The following CCSER1 variants were observed in gnomAD, a reference collection of about 807,000 sequenced individuals.
CCSER1 encodes serine-rich coiled-coil domain-containing protein 1.
CCSER1 carries 41 observed loss-of-function variants against 82.0 expected under a neutral mutation model. That is an observed-to-expected ratio of 0.50 (90% CI 0.39 to 0.65). CCSER1 has a LOEUF of 0.65. Among genes scored for constraint, CCSER1 ranks in the 30% least tolerant of loss-of-function variants. The pLI, the probability that CCSER1 is intolerant of heterozygous loss-of-function variation, is 0.00. For synonymous variants in CCSER1, 414 were observed against 383.9 expected (o/e 1.08, Z -0.92); for missense variants, 1,119 against 1,064.2 (o/e 1.05, Z -0.72).
chr4:91,425,336 TTCCCA>T (rs1753907015), intron 10 of CCSER1, among the ~76,000 whole-genome samples: 1 of 152,120 alleles, frequency 6.6e-6, no homozygotes, highest in South Asian at 2.1e-4. Context: ...TTTGATTTCA[TTCCCA>T]TCAGAATGTC....
At chr4:90,183,160 T>A (rs1229630044) in intron 1 of CCSER1, among the ~76,000 whole-genome samples, 1 of 152,132 alleles carries the variant, frequency 6.6e-6, no homozygotes, top group Non-Finnish European at 1.5e-5. Flanking sequence ...AAGATGATGC[T>A]GAGTAAAATA....
chr4:90,757,650 T>C (rs1314547023), intron 7 of CCSER1, among the ~76,000 whole-genome samples: 1 of 152,166 alleles, frequency 6.6e-6, no homozygotes, highest in Non-Finnish European at 1.5e-5. Flanking sequence ...GTGCCAGAAA[T>C]GGCTGAAGAG....
intron 6 of CCSER1, chr4:90,664,046 A>C (rs943671998): frequency 6.1e-6 from 1 of 165,182 alleles, no homozygotes; most frequent in South Asian, 1.3e-4. Flanking sequence ...ATACAAAAAA[A>C]ATCTCTACTT....
rs1365006811 is a variant in CCSER1 at position 91,218,292 on chromosome 4, C to T, written c.2217+132298C>T. 5.9e-5 allele frequency among the ~76,000 whole-genome samples: 9 copies of T among 152,236 alleles called. 1 individual carries two copies. Among genetic ancestry groups the T allele is most frequent in the Admixed American group, 5.2e-4 (8 of 15,292 alleles). On this transcript the variant is annotated intron_variant, in intron 10 of 10. Transcript: ENST00000509176. ...GGGGCCCACCAAGCCCACACCCACC[C>T]GGAACTCCAGCTGGCCCGCAAGGGC...
At position 90,932,914 on chromosome 4, in the gene CCSER1, G is replaced by GA. The variant is rs1379177792; in HGVS notation, c.2172+9470dup. Among the ~76,000 whole-genome samples, 32 of 13,600 alleles carry GA rather than the reference G, an allele frequency of 2.4e-3. 7 individuals carry two copies. Among genetic ancestry groups the GA allele is most frequent in the South Asian group, 6.4e-3 (3 of 466 alleles). 8.9% of individuals were successfully genotyped at this position (13,600 alleles called of 152,430 possible). On this transcript the variant is annotated intron_variant, in intron 9 of 10. Coordinates refer to ENST00000509176, the MANE Select transcript of CCSER1 (RefSeq NM_001145065.2). The stretch of plus-strand genomic sequence containing the variant: ...AGAAGGAAGGAGAAAGAAGGAGAAA[G>GA]AAAGAAAGAAAGAAAGAAAGAAAGA...
At chr4:90,593,309 A>C (rs1782931142) in intron 5 of CCSER1, among the ~76,000 whole-genome samples, 1 of 152,110 alleles carries the variant, frequency 6.6e-6, no homozygotes, top group Non-Finnish European at 1.5e-5. Flanking sequence ...TGGAGGGGGT[A>C]CAGGTTCTTG....
intron 1 of CCSER1, among the ~76,000 whole-genome samples, chr4:90,268,310 G>A (rs973812225): frequency 1.3e-5 from 2 of 152,094 alleles, no homozygotes; most frequent in African/African-American, 4.8e-5. Flanking sequence ...AAGATGAAAA[G>A]ATGAAACAAT....
chr4:90,883,836 A>G (rs1721710168), intron 8 of CCSER1, among the ~76,000 whole-genome samples: 1 of 152,128 alleles, frequency 6.6e-6, no homozygotes, highest in Non-Finnish European at 1.5e-5. Context: ...ATAATACAGA[A>G]AGTTGGCAAG....
At position 90,521,182 on chromosome 4, in the gene CCSER1, C is replaced by T. The variant is rs181616972; in HGVS notation, c.1724+52828C>T. The stretch of plus-strand genomic sequence containing the variant: ...GCTTCTCTTAAGTTCCCAATCTATA[C>T]TATCAATGCCTAACATATATCAAAT... On this transcript the variant is annotated intron_variant, in intron 5 of 10. Transcript: ENST00000509176. Among the ~76,000 whole-genome samples, 30 of 149,070 alleles carry T rather than the reference C, an allele frequency of 2.0e-4. No individual in the cohort carries two copies. In the East Asian group the frequency reaches 3.5e-3, roughly 17 times the overall value.
intron 4 of CCSER1, among the ~76,000 whole-genome samples, chr4:90,425,931 A>T (rs1757469113): frequency 6.6e-6 from 1 of 152,134 alleles, no homozygotes; most frequent in South Asian, 2.1e-4. Context: ...TTTAAAAAAA[A>T]AACGTTAATG....
intron 4 of CCSER1, among the ~76,000 whole-genome samples, chr4:90,457,631 G>GTC (rs978046353): frequency 4.6e-5 from 7 of 152,144 alleles, no homozygotes; most frequent in Admixed American, 6.5e-5. Flanking sequence ...TTGTCCTAAT[G>GTC]TCTCTACAAA....
At chr4:90,564,408 T>C (rs1158939540) in intron 5 of CCSER1, among the ~76,000 whole-genome samples, 1 of 152,192 alleles carries the variant, frequency 6.6e-6, no homozygotes, top group Non-Finnish European at 1.5e-5. Context: ...GAGTTTTGCA[T>C]ATATTCTGGA....
At chr4:90,407,155 T>A (rs958370443) in intron 4 of CCSER1, among the ~76,000 whole-genome samples, 13 of 152,116 alleles carry the variant, frequency 8.5e-5, no homozygotes, top group Non-Finnish European at 1.5e-5. Context: ...ATCCAAATAA[T>A]CTCAATTAGA....
chr4:91,146,680 T>C (rs2148941792), intron 10 of CCSER1, among the ~76,000 whole-genome samples: 1 of 152,302 alleles, frequency 6.6e-6, no homozygotes. Context: ...TTATAGTCAA[T>C]TGGCTTTATT....
At chr4:90,661,833 A>C (rs920815147) in intron 6 of CCSER1, among the ~76,000 whole-genome samples, 2 of 152,090 alleles carry the variant, frequency 1.3e-5, no homozygotes, top group African/African-American at 4.8e-5. Context: ...ACACAATTCC[A>C]CAAGTATCAG....
intron 3 of CCSER1, among the ~76,000 whole-genome samples, chr4:90,331,789 G>A (rs925988532): frequency 6.6e-6 from 1 of 151,674 alleles, no homozygotes. Context: ...CAGAAACTGG[G>A]CATTATGTCT....
At chr4:90,897,232 CA>C in intron 8 of CCSER1, among the ~76,000 whole-genome samples, 1 of 151,956 alleles carries the variant, frequency 6.6e-6, no homozygotes, top group South Asian at 2.1e-4. Flanking sequence ...ACCCATCACC[CA>C]AATAGTGAAG....
intron 1 of CCSER1, among the ~76,000 whole-genome samples, chr4:90,274,863 A>G (rs11933080): frequency 0.049 from 7,396 of 152,266 alleles, 479 homozygotes; most frequent in African/African-American, 0.15. Context: ...CAAATTAGAA[A>G]TAGTTTTAGA....
intron 10 of CCSER1, among the ~76,000 whole-genome samples, chr4:91,447,135 G>A (rs1755614338): frequency 6.6e-6 from 1 of 151,972 alleles, no homozygotes; most frequent in African/African-American, 2.4e-5. Context: ...AGCTTGCTAA[G>A]GAAATCTCTT....
Sources: gnomAD v4.1 joint callset for allele counts (sites outside exome capture counted in the v4.1 genomes callset) on GRCh38, gnomAD v4.1.1 for gene constraint, MANE v1.5 for transcripts, NCBI Gene and HGNC (gene_info 2026-07-23, HGNC 2026-07-21) for gene names.